FNDC3B: variants seen among roughly 807,000 people sequenced by gnomAD.
The protein encoded by FNDC3B is fibronectin type III domain-containing protein 3B.
Under a neutral mutation model 151.5 loss-of-function variants are expected in FNDC3B, and 12 were observed. The ratio of observed to expected loss-of-function variants is 0.08; its 90% CI spans 0.05 to 0.13. FNDC3B has a LOEUF of 0.13. Among genes scored for constraint, FNDC3B ranks in the 10% least tolerant of loss-of-function variants. The pLI is 1.00. For missense variants in FNDC3B, 1,214 were observed against 1,505.3 expected, an observed-to-expected ratio of 0.81 and a Z score of 3.20; for synonymous variants, 528 against 549.0, an observed-to-expected ratio of 0.96 and a Z score of 0.54.
At chr3:172,134,263 A>G (rs1721252441) in intron 3 of FNDC3B, 4 of 468,020 alleles carry the variant, frequency 8.5e-6, no homozygotes, top group South Asian at 6.1e-5. Context: ...TCTTCTGTAT[A>G]GTTCACTTGG....
intron 3 of FNDC3B, among the ~76,000 whole-genome samples, chr3:172,174,039 C>T (rs1217467831): frequency 1.3e-5 from 2 of 152,054 alleles, no homozygotes; most frequent in Admixed American, 6.5e-5. Flanking sequence ...ATGCCCATTG[C>T]GGGAAATGTG....
intron 3 of FNDC3B, 109 bp downstream of exon 3, chr3:172,133,655 T>A (rs1339061060): frequency 2.4e-6 from 2 of 820,462 alleles, no homozygotes; most frequent in Admixed American, 1.7e-5. Flanking sequence ...GTAAAGTATA[T>A]CTTGGATATT....
intron 25 of FNDC3B, among the ~76,000 whole-genome samples, chr3:172,386,502 G>A (rs918716576): frequency 2.0e-5 from 3 of 152,202 alleles, no homozygotes; most frequent in African/African-American, 7.2e-5. Flanking sequence ...CAGCCCTTTG[G>A]GAGGCCAAGA....
intron 7 of FNDC3B, among the ~76,000 whole-genome samples, chr3:172,286,807 A>G (rs752024667): frequency 6.6e-5 from 10 of 152,136 alleles, no homozygotes; most frequent in Non-Finnish European, 1.2e-4. Flanking sequence ...CAAAGAAGTT[A>G]TGTAATCAGG....
intron 7 of FNDC3B, among the ~76,000 whole-genome samples, chr3:172,286,770 A>T (rs1057313459): frequency 6.6e-6 from 1 of 152,122 alleles, no homozygotes; most frequent in African/African-American, 2.4e-5. Flanking sequence ...TCTGGTGAGG[A>T]GCAGGCTGCC....
intron 3 of FNDC3B, among the ~76,000 whole-genome samples, chr3:172,198,935 T>A (rs1226595043): frequency 1.3e-5 from 2 of 151,786 alleles, no homozygotes; most frequent in African/African-American, 2.4e-5. Flanking sequence ...AAAGTGATTC[T>A]CTTGCCTCAG....
At chr3:172,280,047 C>T (rs1281271389) in intron 6 of FNDC3B, among the ~76,000 whole-genome samples, 1 of 151,980 alleles carries the variant, frequency 6.6e-6, no homozygotes, top group African/African-American at 2.4e-5. Flanking sequence ...CCCAAGTAGT[C>T]GGGACTACAG....
intron 6 of FNDC3B, among the ~76,000 whole-genome samples, chr3:172,282,102 G>A (rs950842499): frequency 2.0e-5 from 3 of 152,222 alleles, no homozygotes; most frequent in African/African-American, 4.8e-5. Flanking sequence ...TATTTAGGTC[G>A]TAGAGATGTG....
chr3:172,358,629 C>T (rs548760145), intron 22 of FNDC3B, among the ~76,000 whole-genome samples: 3 of 152,298 alleles, frequency 2.0e-5, no homozygotes, highest in South Asian at 2.1e-4. Flanking sequence ...GTTGGGATGG[C>T]GTGACACTCT....
Position 172,335,006 on chromosome 3 carries a change from T to C in FNDC3B, c.1704T>C (p.Ser568=). The C allele has an allele frequency of 6.2e-7, 1 of 1,613,674 alleles. No individual in the cohort carries two copies. Among genetic ancestry groups the C allele is most frequent in the Non-Finnish European group, 8.5e-7 (1 of 1,179,870 alleles). ...CPSEVLVCTT[S]PDRPGPPTRP... ...GCGAAGTTCTTGTTTGTACGACGAG[T>C]CCTGACAGGCCTGGACCTCCTACCA... Residue 568 remains serine, a synonymous_variant, in exon 15 of 26, where the codon AGT becomes AGC. Transcript: ENST00000415807.
intron 25 of FNDC3B, among the ~76,000 whole-genome samples, chr3:172,382,046 A>G: frequency 6.6e-6 from 1 of 152,178 alleles, no homozygotes; most frequent in East Asian, 1.9e-4. Flanking sequence ...GAATTGCCAC[A>G]CTGTCTTCCA....
At chr3:172,064,416 A>G (rs1312676392) in intron 1 of FNDC3B, among the ~76,000 whole-genome samples, 1 of 152,198 alleles carries the variant, frequency 6.6e-6, no homozygotes, top group Non-Finnish European at 1.5e-5. Context: ...TTTTATTTAT[A>G]ATCTATCTGC....
At chr3:172,273,540 C>T (rs1175291401) in intron 6 of FNDC3B, among the ~76,000 whole-genome samples, 1 of 152,134 alleles carries the variant, frequency 6.6e-6, no homozygotes, top group Non-Finnish European at 1.5e-5. Flanking sequence ...GAAACATAAG[C>T]CTAGACCACA....
intron 3 of FNDC3B, among the ~76,000 whole-genome samples, chr3:172,195,974 C>T (rs1724801425): frequency 6.6e-6 from 1 of 152,150 alleles, no homozygotes; most frequent in Non-Finnish European, 1.5e-5. Context: ...ATATGAAATG[C>T]TTAGCATAAT....
chr3:172,214,884 T>C (rs1413852716), intron 3 of FNDC3B, among the ~76,000 whole-genome samples: 2 of 152,108 alleles, frequency 1.3e-5, no homozygotes, highest in African/African-American at 2.4e-5. Flanking sequence ...ACCCTGAGAG[T>C]AGTTAAAAGG....
At chr3:172,248,235 C>A (rs893901830) in intron 5 of FNDC3B, among the ~76,000 whole-genome samples, 1 of 152,154 alleles carries the variant, frequency 6.6e-6, no homozygotes, top group Non-Finnish European at 1.5e-5. Flanking sequence ...GTCTCAAGAA[C>A]CTTTAGGTTT....
chr3:172,151,244 A>G (rs1292355834), intron 3 of FNDC3B, among the ~76,000 whole-genome samples: 2 of 152,184 alleles, frequency 1.3e-5, no homozygotes, highest in Non-Finnish European at 2.9e-5. Context: ...CAGTGCTACC[A>G]CTTCCGTGTG....
At chr3:172,328,326 G>C (rs1732463286) in intron 11 of FNDC3B, among the ~76,000 whole-genome samples, 1 of 152,198 alleles carries the variant, frequency 6.6e-6, no homozygotes, top group Non-Finnish European at 1.5e-5. Context: ...ACTGTTATGA[G>C]CAAAGCAGAC....
intron 3 of FNDC3B, chr3:172,225,867 C>G (rs913693292): frequency 1.3e-5 from 2 of 152,526 alleles, no homozygotes; most frequent in African/African-American, 4.8e-5. Flanking sequence ...TTATGAAAAT[C>G]TGCCTGTTGC....
Sources: allele counts gnomAD v4.1 joint callset (sites outside exome capture counted in the v4.1 genomes callset), GRCh38; gene constraint gnomAD v4.1.1; transcripts MANE v1.5; gene names NCBI Gene and HGNC (gene_info 2026-07-23, HGNC 2026-07-21).